GRID2: variants seen among roughly 807,000 people sequenced by gnomAD.
GRID2 encodes glutamate ionotropic receptor delta type subunit 2.
In GRID2, 33 loss-of-function variants were observed where a neutral mutation model predicts 114.8. The observed-to-expected ratio is 0.29, with a 90% CI of 0.22 to 0.38. GRID2 has a LOEUF of 0.38. Ranked by LOEUF, GRID2 falls within the 10% of genes least tolerant of loss-of-function variation. The pLI is 1.00. For synonymous variants in GRID2, 505 were observed against 449.9 expected, an observed-to-expected ratio of 1.12 and a Z score of -1.55; for missense variants, 1,184 against 1,257.7, an observed-to-expected ratio of 0.94 and a Z score of 0.89.
intron 2 of GRID2, among the ~76,000 whole-genome samples, chr4:92,692,315 TCTTA>T (rs1459880943): frequency 6.6e-6 from 1 of 152,198 alleles, no homozygotes; most frequent in Non-Finnish European, 1.5e-5. Flanking sequence ...TTAATATATG[TCTTA>T]CTTTGTTATC....
chr4:93,643,954 C>G lies in GRID2; in HGVS notation c.2360+17519C>G, dbSNP rs1302053786. On this transcript the variant is annotated intron_variant, in intron 14 of 15. Coordinates refer to ENST00000282020, the MANE Select transcript of GRID2 (RefSeq NM_001510.4). ...GTTTGATCTCAGACTGCTGTGCTAG[C>G]AATCCGCGAGATTCCGTGGGCGTAG... 2.9e-5 allele frequency among the ~76,000 whole-genome samples: 3 copies of G among 103,470 alleles called. 1 individual carries two copies. Among genetic ancestry groups the G allele is most frequent in the Non-Finnish European group, 5.7e-5 (3 of 52,530 alleles). 67.9% of individuals were successfully genotyped at this position (103,470 alleles called of 152,430 possible).
intron 2 of GRID2, among the ~76,000 whole-genome samples, chr4:92,963,892 G>A (rs112850044): frequency 0.024 from 3,646 of 152,098 alleles, 74 homozygotes; most frequent in East Asian, 0.052. Flanking sequence ...CAGAATGGAT[G>A]TTGTGTTCAC....
chr4:92,497,113 G>A lies in GRID2; in HGVS notation c.89-93018G>A, dbSNP rs368742577. On this transcript the variant is annotated intron_variant, in intron 1 of 15. Coordinates refer to ENST00000282020, the MANE Select transcript of GRID2 (RefSeq NM_001510.4). ...ATAAAAGCAATAGTTTGGAGAGTGG[G>A]AAATGAGATAGGATAACTTTCCTCT... 2.2e-4 allele frequency among the ~76,000 whole-genome samples: 33 copies of A among 151,720 alleles called. No individual in the cohort carries two copies. The East Asian group carries it at 5.8e-3, about 27-fold the overall frequency.
intron 14 of GRID2, among the ~76,000 whole-genome samples, chr4:93,693,685 ATTG>A (rs1462075607): frequency 6.6e-6 from 1 of 152,178 alleles, no homozygotes; most frequent in East Asian, 1.9e-4. Context: ...TTAATACTGT[ATTG>A]TTCTATGAAA....
chr4:92,703,405 T>C (rs1734778915), intron 2 of GRID2, among the ~76,000 whole-genome samples: 1 of 151,944 alleles, frequency 6.6e-6, no homozygotes, highest in Non-Finnish European at 1.5e-5. Flanking sequence ...ACCTAAGATA[T>C]ATGAACTATT....
chr4:93,650,632 A>C (rs1320837230), intron 14 of GRID2, among the ~76,000 whole-genome samples: 1 of 152,150 alleles, frequency 6.6e-6, no homozygotes, highest in Admixed American at 6.6e-5. Flanking sequence ...AGGAGTTTCT[A>C]AGCAAATGCT....
intron 14 of GRID2, among the ~76,000 whole-genome samples, chr4:93,628,951 G>A (rs1392702671): frequency 6.6e-6 from 1 of 151,916 alleles, no homozygotes; most frequent in East Asian, 1.9e-4. Flanking sequence ...ATTTTTAGTA[G>A]AAATGGGGTT....
intron 8 of GRID2, among the ~76,000 whole-genome samples, chr4:93,309,562 T>A (rs1049945880): frequency 2.0e-5 from 3 of 150,934 alleles, no homozygotes; most frequent in South Asian, 2.1e-4. Flanking sequence ...ATAATAATAA[T>A]AAATAAAAAA....
chr4:92,849,658 G>A (rs1387586282), intron 2 of GRID2, among the ~76,000 whole-genome samples: 1 of 151,468 alleles, frequency 6.6e-6, no homozygotes, highest in Non-Finnish European at 1.5e-5. Flanking sequence ...AGCTTATTAA[G>A]CAATCTTTAT....
At chr4:93,538,716 A>G (rs192077362) in intron 13 of GRID2, among the ~76,000 whole-genome samples, 2 of 151,948 alleles carry the variant, frequency 1.3e-5, no homozygotes, top group Admixed American at 6.6e-5. Flanking sequence ...AATCAGATAA[A>G]CCAAAATTAA....
At chr4:93,294,796 G>C (rs539178816) in intron 8 of GRID2, among the ~76,000 whole-genome samples, 1 of 152,230 alleles carries the variant, frequency 6.6e-6, no homozygotes, top group African/African-American at 2.4e-5. Context: ...CTGACCTCAG[G>C]TGATCGGCCC....
chr4:93,026,179 A>T (rs2149251898), intron 2 of GRID2, among the ~76,000 whole-genome samples: 1 of 151,928 alleles, frequency 6.6e-6, no homozygotes, highest in Non-Finnish European at 1.5e-5. Context: ...CAGCAGTTAT[A>T]ATCAATTAGG....
intron 2 of GRID2, among the ~76,000 whole-genome samples, chr4:92,700,769 A>G (rs905574057): frequency 3.9e-5 from 6 of 152,226 alleles, no homozygotes; most frequent in Middle Eastern, 3.4e-3. Flanking sequence ...GAGGTGGGTG[A>G]ATCACGAGGT....
intron 1 of GRID2, among the ~76,000 whole-genome samples, chr4:92,391,415 G>A (rs905589616): frequency 3.9e-5 from 6 of 152,026 alleles, no homozygotes; most frequent in Non-Finnish European, 8.8e-5. Flanking sequence ...TGTGCTTAGT[G>A]TGAATATAAA....
intron 1 of GRID2, among the ~76,000 whole-genome samples, chr4:92,357,194 A>G (rs1490108660): frequency 6.6e-6 from 1 of 151,892 alleles, no homozygotes; most frequent in Admixed American, 6.6e-5. Context: ...TACCTAACGT[A>G]AATGGTAAGT....
intron 11 of GRID2, 144 bp from the exon 12 acceptor site, chr4:93,490,495 G>C: frequency 1.9e-6 from 1 of 535,336 alleles, no homozygotes; most frequent in South Asian, 3.1e-5. Flanking sequence ...AATATGGAGT[G>C]ATGAAAATAT....
At chr4:93,077,363 C>G (rs886063998) in intron 2 of GRID2, among the ~76,000 whole-genome samples, 1 of 152,126 alleles carries the variant, frequency 6.6e-6, no homozygotes, top group Non-Finnish European at 1.5e-5. Flanking sequence ...CTATCTTTCT[C>G]TTACACAAAC....
chr4:92,826,992 T>C (rs961363061), intron 2 of GRID2, among the ~76,000 whole-genome samples: 4 of 152,088 alleles, frequency 2.6e-5, no homozygotes, highest in African/African-American at 9.6e-5. Flanking sequence ...TAGGAGTTTT[T>C]ATGTTTCATC....
chr4:93,666,946 T>C (rs1013783630), intron 14 of GRID2, among the ~76,000 whole-genome samples: 12 of 152,048 alleles, frequency 7.9e-5, no homozygotes, highest in Admixed American at 6.6e-4. Context: ...AAATTTCAGG[T>C]TGGTATCGGG....
Sources: gnomAD v4.1 joint callset for allele counts (sites outside exome capture counted in the v4.1 genomes callset) on GRCh38, gnomAD v4.1.1 for gene constraint, MANE v1.5 for transcripts, NCBI Gene and HGNC (gene_info 2026-07-23, HGNC 2026-07-21) for gene names.